The following CALCOCO2 variants were observed in gnomAD, a reference collection of about 807,000 sequenced individuals.
CALCOCO2 encodes calcium-binding and coiled-coil domain-containing protein 2.
Under a neutral mutation model 62.5 loss-of-function variants are expected in CALCOCO2, and 42 were observed. That is an observed-to-expected ratio of 0.67 (90% CI 0.53 to 0.87). The LOEUF (loss-of-function observed/expected upper bound fraction) is 0.87. Among genes scored for constraint, CALCOCO2 ranks in the 40% least tolerant of loss-of-function variants. CALCOCO2 has a pLI of 0.00. For missense variants in CALCOCO2, 456 were observed against 515.0 expected, an observed-to-expected ratio of 0.89 and a Z score of 1.11; for synonymous variants, 167 against 173.0, an observed-to-expected ratio of 0.97 and a Z score of 0.27.
chr17:48,848,612 C>T (rs556325721), intron 4 of CALCOCO2, 157 bp downstream of exon 4: 20 of 707,410 alleles, frequency 2.8e-5, no homozygotes, highest in South Asian at 8.7e-5. Flanking sequence ...GGAATGACTT[C>T]GGAATGTTAA....
chr17:48,856,648 CATTCATTCATTCA>C (rs755374944), intron 10 of CALCOCO2: 16 of 449,802 alleles, frequency 3.6e-5, no homozygotes, highest in South Asian at 2.2e-4. Flanking sequence ...TGCATTCATT[CATTCATTCATTCA>C]TTCATTCATT....
intron 9 of CALCOCO2, among the ~76,000 whole-genome samples, chr17:48,854,080 C>T (rs1286548879): frequency 3.3e-5 from 5 of 151,752 alleles, no homozygotes; most frequent in African/African-American, 4.8e-5. Context: ...CTTTGGGAGG[C>T]GGAGGCAGGT....
intron 10 of CALCOCO2, among the ~76,000 whole-genome samples, chr17:48,858,022 T>TAGAAG (rs1422291797): frequency 7.5e-5 from 1 of 13,402 alleles, no homozygotes; most frequent in Non-Finnish European, 2.9e-4. Context: ...TAGAATAGAA[T>TAGAAG]AGAATAGAAT....
Position 48,852,538 on chromosome 17 carries a change from G to T in CALCOCO2, c.735G>T (p.Glu245Asp). Reference protein sequence around the residue: ...AQLSTQEKEMEKLVQGDQDKT... With the variant: ...AQLSTQEKEMDKLVQGDQDKT... ...TGTCAACTCAAGAGAAAGAAATGGA[G>T]AAGCTTGTTCAGGGAGATCAAGATA... The change falls in exon 8 of 13, where the codon GAG (glutamate) becomes GAT (aspartate). Residue 245 changes from glutamate (E) to aspartate (D), a missense_variant. Around this residue, in one of 3 missense-constraint regions of CALCOCO2, gnomAD observed 236 missense variants for 225.3 expected, o/e 1.05. Coordinates refer to ENST00000258947, the MANE Select transcript of CALCOCO2 (RefSeq NM_005831.5). 1 of 1,613,328 alleles carries T rather than the reference G, an allele frequency of 6.2e-7. No individual in the cohort carries two copies. Among genetic ancestry groups the T allele is most frequent in the African/African-American group, 1.3e-5 (1 of 75,008 alleles).
chr17:48,862,824 G>C lies in CALCOCO2; in HGVS notation c.1174-14G>C, dbSNP rs1450164572. ...AGCTTACATTTGTACTGACCTCTTT[G>C]CTCTTCCTCCCAGCTCTCCATCAAG... On this transcript the variant is annotated splice_polypyrimidine_tract_variant and intron_variant, in intron 12 of 12. Coordinates refer to ENST00000258947, the MANE Select transcript of CALCOCO2 (RefSeq NM_005831.5). 1.9e-6 allele frequency: 3 copies of C among 1,612,714 alleles called. No individual in the cohort carries two copies. Among genetic ancestry groups the C allele is most frequent in the East Asian group, 4.5e-5 (2 of 44,876 alleles).
intron 5 of CALCOCO2, 46 bp downstream of exon 5, chr17:48,849,423 T>C: frequency 3.2e-6 from 5 of 1,565,248 alleles, no homozygotes; most frequent in Non-Finnish European, 4.4e-6. Context: ...GAGATCAGAA[T>C]TGGATGGTGC....
chr17:48,845,377 G>C (rs370656488), intron 2 of CALCOCO2, among the ~76,000 whole-genome samples: 16,833 of 67,650 alleles, frequency 0.25, 1,580 homozygotes, highest in South Asian at 0.36. Context: ...CTCACTGTGT[G>C]TGTGTGTGTG....
At position 48,864,209 on chromosome 17, in the gene CALCOCO2, G is replaced by T. The variant is rs1164353561; in HGVS notation, c.*1204G>T. 1 of 152,070 alleles carries T rather than the reference G, an allele frequency of 6.6e-6. No individual in the cohort carries two copies. The highest frequency in any genetic ancestry group is 1.9e-4 in the East Asian group (1 of 5,172). The allele number at this position is 152,070 out of a possible 1,614,324, so 9.4% of individuals were successfully genotyped here. A position where few individuals can be genotyped will look rare whatever the true frequency, so the allele number is the denominator to read the frequency against. ...CTCCCAAGTAGCTGGGATTACAGGT[G>T]TGTGCCGCAATGCCCAGCTAATTTT... is the stretch of plus-strand genomic sequence containing the variant. On this transcript the variant is annotated 3_prime_UTR_variant, in exon 13 of 13. Transcript: ENST00000258947.
intron 10 of CALCOCO2, among the ~76,000 whole-genome samples, chr17:48,859,696 C>T (rs757997935): frequency 5.9e-4 from 90 of 152,140 alleles, no homozygotes; most frequent in South Asian, 1.5e-3. Context: ...ATAGCTCCTG[C>T]CACTTTCATA....
rs1324252241 is a variant in CALCOCO2, at chr17:48,863,015, C to G, written c.*10C>G. ...CTGCCACTCTCTCTGAGTATCCCAA[C>G]CTCTTGGATGTATACAGAGATTTTA... is the stretch of plus-strand genomic sequence containing the variant. On this transcript the variant is annotated 3_prime_UTR_variant, in exon 13 of 13. Coordinates refer to ENST00000258947, the MANE Select transcript of CALCOCO2 (RefSeq NM_005831.5). 6.3e-7 allele frequency: 1 copy of G among 1,587,530 alleles called. No homozygotes were observed. The highest frequency in any genetic ancestry group is 8.7e-7 in the Non-Finnish European group (1 of 1,155,892).
intron 1 of CALCOCO2, chr17:48,839,370 T>G (rs2039942806): frequency 1.6e-5 from 2 of 126,004 alleles, no homozygotes; most frequent in East Asian, 4.2e-4. Context: ...TTTTTTTTTT[T>G]GACAGTCTCA....
chr17:48,859,572 G>A (rs1002624168), intron 10 of CALCOCO2, among the ~76,000 whole-genome samples: 6 of 152,030 alleles, frequency 3.9e-5, no homozygotes, highest in African/African-American at 1.2e-4. Flanking sequence ...CCGCACTCCA[G>A]CCTGGGTGAC....
intron 1 of CALCOCO2, among the ~76,000 whole-genome samples, chr17:48,837,600 A>C (rs963225578): frequency 6.6e-6 from 1 of 151,904 alleles, no homozygotes; most frequent in Non-Finnish European, 1.5e-5. Context: ...GAGCTGAGAT[A>C]CCGCCACTGC....
At chr17:48,850,128 G>A (rs927037762) in intron 5 of CALCOCO2, among the ~76,000 whole-genome samples, 17 of 152,080 alleles carry the variant, frequency 1.1e-4, no homozygotes, top group African/African-American at 3.6e-4. Context: ...GTGAAACCCC[G>A]TCTCTACTAA....
At chr17:48,859,665 C>G (rs1385510755) in intron 10 of CALCOCO2, among the ~76,000 whole-genome samples, 1 of 152,160 alleles carries the variant, frequency 6.6e-6, no homozygotes, top group East Asian at 1.9e-4. Flanking sequence ...ATATACCTAT[C>G]AGAATAGTTG....
chr17:48,854,152 C>A (rs377752817), intron 9 of CALCOCO2, among the ~76,000 whole-genome samples: 1 of 150,078 alleles, frequency 6.7e-6, no homozygotes. Context: ...CCCGTCTCTA[C>A]GAAAAATACA....
intron 1 of CALCOCO2, among the ~76,000 whole-genome samples, chr17:48,838,290 T>C (rs990362707): frequency 6.6e-6 from 1 of 152,154 alleles, no homozygotes; most frequent in Non-Finnish European, 1.5e-5. Context: ...ATAGATAACA[T>C]AACCAATTAG....
Position 48,864,452 on chromosome 17 carries a change from A to G in CALCOCO2, c.*1447A>G, listed in dbSNP as rs1234894914. 1.3e-5 allele frequency: 2 copies of G among 154,260 alleles called. No homozygotes were observed. The highest frequency in any genetic ancestry group is 2.4e-5 in the African/African-American group (1 of 41,514). 9.6% of individuals were successfully genotyped at this position (154,260 alleles called of 1,614,324 possible). On this transcript the variant is annotated 3_prime_UTR_variant, in exon 13 of 13. Transcript: ENST00000258947. The stretch of plus-strand genomic sequence containing the variant: ...TCGCACCCTTTGTGAACTAAGTTCA[A>G]TGCGCTCTATCCAAATTTGCCTAAT...
At chr17:48,862,138 A>G (rs1383124195) in intron 11 of CALCOCO2, 138 bp from the exon 12 acceptor site, 4 of 736,778 alleles carry the variant, frequency 5.4e-6, no homozygotes, top group Admixed American at 2.0e-5. Flanking sequence ...GTAACGGTAT[A>G]TATATGAGAG....
Sources: gnomAD v4.1 joint callset for allele counts (sites outside exome capture counted in the v4.1 genomes callset) on GRCh38, gnomAD v4.1.1 for gene constraint, gnomAD v4.1.1 regional missense constraint, MANE v1.5 for transcripts, NCBI Gene and HGNC (gene_info 2026-07-23, HGNC 2026-07-21) for gene names.